The following ITFG2 variants were observed in gnomAD, a reference collection of about 807,000 sequenced individuals.
The protein encoded by ITFG2 is integrin alpha FG-GAP repeat containing 2, also known as KICSTOR complex protein ITFG2.
ITFG2 carries 36 observed loss-of-function variants against 54.4 expected under a neutral mutation model. The observed-to-expected ratio is 0.66, with a 90% CI of 0.51 to 0.87. ITFG2 has a LOEUF of 0.87. Ranked by LOEUF, ITFG2 falls within the 40% of genes least tolerant of loss-of-function variation. The pLI, the probability that ITFG2 is intolerant of heterozygous loss-of-function variation, is 0.00. For missense variants in ITFG2, 524 were observed against 576.7 expected (o/e 0.91, Z 0.94); for synonymous variants, 211 against 225.4 (o/e 0.94, Z 0.57).
At position 2,823,718 on chromosome 12, in the gene ITFG2, A is replaced by G. The variant is rs1003401241; in HGVS notation, c.1067-52A>G. The G allele has an allele frequency of 4.6e-6, 7 of 1,507,114 alleles. No homozygotes were observed. In the East Asian group the frequency reaches 1.4e-4, roughly 29 times the overall value. The allele number at this position is 1,507,114 out of a possible 1,614,324, so 93.4% of individuals were successfully genotyped here. On this transcript the variant is annotated intron_variant, in intron 10 of 11. Coordinates refer to ENST00000228799, the MANE Select transcript of ITFG2 (RefSeq NM_018463.4). Reference sequence around the variant, plus strand: ...GTCTGTGTCTTGCTGTCTGCCCCCCACTGTCGGCACTGAAACTTCCTGACC... The same window carrying G: ...GTCTGTGTCTTGCTGTCTGCCCCCCGCTGTCGGCACTGAAACTTCCTGACC...
At chr12:2,834,265 G>T (rs1230430235), upstream of ITFG2, among the ~76,000 whole-genome samples, 1 of 152,180 alleles carries the variant, frequency 6.6e-6, no homozygotes, top group Non-Finnish European at 1.5e-5. Flanking sequence ...TGGTTCGGGG[G>T]AAGCAGGAAG....
Position 2,821,346 on chromosome 12 carries a change from C to A in ITFG2, c.780C>A (p.Gly260=). 1 of 1,606,964 alleles carries A rather than the reference C, an allele frequency of 6.2e-7. No individual in the cohort carries two copies. Among genetic ancestry groups the A allele is most frequent in the Non-Finnish European group, 8.5e-7 (1 of 1,176,346 alleles). ...HNKNVSTHLI[G]NIKQGHGTES... ...AGAATGTCTCCACTCACCTAATTGG[C>A]AACATCAAACAAGGTGAAAGTGTGG... The change falls in exon 7 of 12, where the codon GGC becomes GGA. Residue 260 remains glycine (G), a synonymous_variant. Coordinates refer to ENST00000228799, the MANE Select transcript of ITFG2 (RefSeq NM_018463.4).
rs2039696842 is a variant in ITFG2, at chr12:2,845,296, CAAG to C, written n.300+4302_300+4304del. On this transcript the variant is annotated intron_variant and non_coding_transcript_variant, in intron 2 of 3. Transcript: ENST00000537710. This position sits in a 1 kb window ranked among gnomAD's most constrained non-coding sequence, Gnocchi z 4.2. ...GGATCTTGGCTCGAGTTTGTCATCT[CAAG>C]GAGCAGCTATGGGGCTTTTTGAGGC... is the stretch of plus-strand genomic sequence containing the variant. Among the ~76,000 whole-genome samples the C allele has an allele frequency of 6.6e-6, 1 of 152,072 alleles. No homozygotes were observed.
chr12:2,819,386 T>C (rs1301818976), intron 4 of ITFG2, among the ~76,000 whole-genome samples: 5 of 151,578 alleles, frequency 3.3e-5, no homozygotes, highest in African/African-American at 1.2e-4. Context: ...GAGAATGGCA[T>C]GAACCCAGGA....
At position 2,858,883 on chromosome 12, in the gene ITFG2, C is replaced by T. The variant is rs781380281; in HGVS notation, n.620+552C>T. On this transcript the variant is annotated intron_variant and non_coding_transcript_variant, in intron 3 of 3. Transcript: ENST00000537710. ...TTGCCAAAGGGGACGGAGATGAGGT[C>T]TAAGGGTTCTGAACTGAGGAGCCTT... The T allele has an allele frequency of 3.7e-6, 6 of 1,614,036 alleles. No individual in the cohort carries two copies. The East Asian group carries it at 1.3e-4, about 36-fold the overall frequency.
chr12:2,853,654 C>G (rs1343920445), intron 2 of ITFG2, among the ~76,000 whole-genome samples: 1 of 151,798 alleles, frequency 6.6e-6, no homozygotes, highest in Non-Finnish European at 1.5e-5. Flanking sequence ...CACTCCAACT[C>G]CCCAGTGCTT....
intron 2 of ITFG2, chr12:2,849,127 C>T (rs1299122446): frequency 8.1e-7 from 1 of 1,234,406 alleles, no homozygotes; most frequent in Admixed American, 2.8e-5. Context: ...CTGCAGAAGC[C>T]AGAGTCCTTT....
In ITFG2 at chr12:2,822,895, C is replaced by T; in HGVS notation, c.1050C>T (p.Ile350=). 6.2e-7 allele frequency: 1 copy of T among 1,614,070 alleles called. No homozygotes were observed. The stretch of plus-strand genomic sequence containing the variant: ...TCCGCTTCCAAGTGGATGAAAATAT[C>T]CGTGCCTTCTGTGCAGGTGACCCCC... The part of the protein sequence containing the change: ...TVVRFQVDEN[I]RAFCAGLYAC... The change falls in exon 10 of 12, where the codon ATC becomes ATT. Residue 350 remains isoleucine (I), a synonymous_variant. Coordinates refer to ENST00000228799, the MANE Select transcript of ITFG2 (RefSeq NM_018463.4).
intron 2 of ITFG2, among the ~76,000 whole-genome samples, chr12:2,848,138 C>G (rs953234177): frequency 2.0e-5 from 3 of 152,186 alleles, no homozygotes; most frequent in Admixed American, 6.5e-5. Flanking sequence ...TAAAGCAGCT[C>G]TAGAGCCCTG....
chr12:2,824,966 A>G lies in ITFG2; in HGVS notation c.*773A>G, dbSNP rs1407726638. On this transcript the variant is annotated 3_prime_UTR_variant, in exon 12 of 12. Coordinates refer to ENST00000228799, the MANE Select transcript of ITFG2 (RefSeq NM_018463.4). ...ATGTGCCGTCTGTTCTTGATTCTCTATGCTCTAAATCGGTGTTTTTCAAAC... is the reference window on the plus strand; with the variant it reads ...ATGTGCCGTCTGTTCTTGATTCTCTGTGCTCTAAATCGGTGTTTTTCAAAC... 2 of 152,244 alleles carry G rather than the reference A, an allele frequency of 1.3e-5. No individual in the cohort carries two copies. The highest frequency in any genetic ancestry group is 6.5e-5 in the Admixed American group (1 of 15,280). The allele number at this position is 152,244 out of a possible 1,614,324, so 9.4% of individuals were successfully genotyped here.
In ITFG2 at chr12:2,853,574, G is replaced by GT. The variant is rs199720090; in HGVS notation, n.301-4430dup. On this transcript the variant is annotated intron_variant and non_coding_transcript_variant, in intron 2 of 3. Transcript: ENST00000537710. The stretch of plus-strand genomic sequence containing the variant: ...AGGCGTGAGCCACCAGGCCCGGCCT[G>GT]TTTTTTTTGTTGTTGTTGTTGTTTT... Among the ~76,000 whole-genome samples the GT allele has an allele frequency of 5.5e-3, 823 of 150,432 alleles. 5 individuals are homozygous for GT. Among genetic ancestry groups the GT allele is most frequent in the East Asian group, 0.029 (147 of 5,078 alleles).
rs567532821 is a variant in ITFG2, at chr12:2,821,961, C to G, written c.948+169C>G. ...TTTTTTTTTTGAGACAGGGTCTCCC[C>G]CCTACCACCTAGGCTGGAGTGCAGT... On this transcript the variant is annotated intron_variant, in intron 9 of 11. Coordinates refer to ENST00000228799, the MANE Select transcript of ITFG2 (RefSeq NM_018463.4). 1.0e-3 allele frequency among the ~76,000 whole-genome samples: 151 copies of G among 151,178 alleles called. 1 individual carries two copies. The highest frequency in any genetic ancestry group is 3.5e-3 in the African/African-American group (143 of 41,092).
intron 7 of ITFG2, 87 bp downstream of exon 7, chr12:2,821,446 C>G (rs983923562): frequency 1.9e-6 from 3 of 1,552,376 alleles, no homozygotes; most frequent in Non-Finnish European, 2.7e-6. Flanking sequence ...CCCCTCATTT[C>G]GAGCCCTGTC....
intron 2 of ITFG2, chr12:2,857,474 A>G (rs532571672): frequency 6.3e-5 from 14 of 221,654 alleles, no homozygotes; most frequent in African/African-American, 2.7e-4. Context: ...CGCCAGGGAA[A>G]AGAGGTGAGC....
upstream of ITFG2, among the ~76,000 whole-genome samples, chr12:2,832,302 T>G (rs2098007217): frequency 6.6e-6 from 1 of 151,986 alleles, no homozygotes; most frequent in African/African-American, 2.4e-5. Flanking sequence ...CTTTTGAAGG[T>G]GATCCACAGT....
At chr12:2,854,189 C>T (rs1192767089) in intron 2 of ITFG2, among the ~76,000 whole-genome samples, 1 of 152,144 alleles carries the variant, frequency 6.6e-6, no homozygotes, top group Admixed American at 6.5e-5. Context: ...CCACACCCGG[C>T]TAATTTTGTA....
rs886185586 is a variant in ITFG2 at position 2,817,731 on chromosome 12, T to TAAACC, written c.193-172_193-168dup. On this transcript the variant is annotated intron_variant, in intron 2 of 11. Coordinates refer to ENST00000228799, the MANE Select transcript of ITFG2 (RefSeq NM_018463.4). ...TCAGGTCTTCATGTTGCTGTCTGGG[T>TAAACC]AAACCAAACCTACAGCACAGTAACG... The TAAACC allele has an allele frequency of 1.0e-5, 6 of 583,746 alleles. No individual in the cohort carries two copies. In the African/African-American group the frequency reaches 1.1e-4, roughly 11 times the overall value. 36.2% of individuals were successfully genotyped at this position (583,746 alleles called of 1,614,324 possible).
chr12:2,827,389 A>G, downstream of ITFG2: 2 of 1,530,304 alleles, frequency 1.3e-6, no homozygotes, highest in Non-Finnish European at 1.7e-6. This position sits in a 1 kb window ranked among gnomAD's most constrained non-coding sequence, Gnocchi z 4.0. Context: ...CACTTCCCAC[A>G]GCTTCCACCT....
At chr12:2,858,643 G>C in intron 3 of ITFG2, 6 of 1,613,588 alleles carry the variant, frequency 3.7e-6, no homozygotes, top group Non-Finnish European at 5.1e-6. Flanking sequence ...GGGCTCTACT[G>C]TAGCTCAGGA....
Sources: gnomAD v4.1 joint callset for allele counts (sites outside exome capture counted in the v4.1 genomes callset) on GRCh38, gnomAD v4.1.1 for gene constraint, Gnocchi (gnomAD v3.1) non-coding constraint, MANE v1.5 for transcripts, NCBI Gene and HGNC (gene_info 2026-07-23, HGNC 2026-07-21) for gene names.